Variants in ABI3BP observed in about 807,000 individuals in gnomAD.
ABI3BP encodes target of Nesh-SH3.
A neutral mutation model predicts 268.6 loss-of-function variants in ABI3BP; 216 were observed. That is an observed-to-expected ratio of 0.80 (90% CI 0.72 to 0.90). ABI3BP has a LOEUF of 0.90. Ranked by LOEUF, ABI3BP falls within the 40% of genes least tolerant of loss-of-function variation. ABI3BP has a pLI of 0.00. For missense variants in ABI3BP, 2,090 were observed against 2,182.4 expected, an observed-to-expected ratio of 0.96 and a Z score of 0.84; for synonymous variants, 730 against 730.0, an observed-to-expected ratio of 1.00 and a Z score of 0.00.
intron 6 of ABI3BP, among the ~76,000 whole-genome samples, chr3:100,883,001 G>C (rs917928630): frequency 6.6e-6 from 1 of 152,066 alleles, no homozygotes; most frequent in Non-Finnish European, 1.5e-5. Flanking sequence ...GCAGATCTAC[G>C]TTTCCTATAC....
chr3:100,883,998 A>G (rs893297539), intron 6 of ABI3BP, among the ~76,000 whole-genome samples: 1 of 152,120 alleles, frequency 6.6e-6, no homozygotes, highest in Non-Finnish European at 1.5e-5. Context: ...GATAAGAAAT[A>G]TGTTCATAAC....
At chr3:100,969,713 A>G (rs2082749816) in intron 1 of ABI3BP, among the ~76,000 whole-genome samples, 1 of 152,188 alleles carries the variant, frequency 6.6e-6, no homozygotes, top group South Asian at 2.1e-4. Flanking sequence ...AGGAAGAATG[A>G]CTTTTGCTGG....
At chr3:100,879,423 G>T (rs7630802) in intron 6 of ABI3BP, among the ~76,000 whole-genome samples, 2 of 152,074 alleles carry the variant, frequency 1.3e-5, no homozygotes, top group Non-Finnish European at 2.9e-5. Context: ...TGTACTTAGC[G>T]CACGTTTTGT....
intron 61 of ABI3BP, among the ~76,000 whole-genome samples, chr3:100,771,791 T>C (rs775444283): frequency 6.6e-6 from 1 of 152,098 alleles, no homozygotes; most frequent in Non-Finnish European, 1.5e-5. Flanking sequence ...CTCATATACA[T>C]GTAATTGGAG....
intron 1 of ABI3BP, among the ~76,000 whole-genome samples, chr3:100,970,655 G>A (rs1342161573): frequency 6.6e-6 from 1 of 152,212 alleles, no homozygotes; most frequent in Non-Finnish European, 1.5e-5. Flanking sequence ...ACGAAAGGCG[G>A]TCAAGTGGCA....
intron 7 of ABI3BP, 135 bp from the exon 8 acceptor site, chr3:100,875,714 G>A (rs1344625418): frequency 3.1e-6 from 2 of 651,416 alleles, no homozygotes; most frequent in Non-Finnish European, 5.5e-6. Context: ...CAGTGGCCTG[G>A]CTATATAGCC....
intron 1 of ABI3BP, among the ~76,000 whole-genome samples, chr3:100,968,884 C>T (rs989373837): frequency 1.3e-5 from 2 of 152,048 alleles, no homozygotes; most frequent in East Asian, 3.9e-4. Context: ...GTTCCCCTTC[C>T]TGTGTCCATA....
At position 100,847,604 on chromosome 3, in the gene ABI3BP, G is replaced by A. The variant is rs372669157; in HGVS notation, c.1646C>T (p.Pro549Leu). ...TACTAAGGACATATCATTATTACCCGGTGTTGTCCATGTAGGTTCAGGGCT... is the reference window on the plus strand; with the variant it reads ...TACTAAGGACATATCATTATTACCCAGTGTTGTCCATGTAGGTTCAGGGCT... Reference protein sequence around the residue: ...SKSPEPTWTTPAPGKTQFISL... With the variant: ...SKSPEPTWTTLAPGKTQFISL... The change falls in exon 19 of 68, where the codon CCG (proline) becomes CTG (leucine). Residue 549 changes from proline to leucine, a missense_variant and splice_region_variant. Transcript: ENST00000471714. The A allele has an allele frequency of 3.0e-5, 49 of 1,608,970 alleles. No individual in the cohort carries two copies. The highest frequency in any genetic ancestry group is 2.2e-4 in the Admixed American group (13 of 59,960).
intron 1 of ABI3BP, among the ~76,000 whole-genome samples, chr3:100,932,793 T>TG (rs1221465496): frequency 1.3e-5 from 2 of 152,124 alleles, no homozygotes; most frequent in Non-Finnish European, 2.9e-5. Context: ...GTTTGGAGAT[T>TG]TTTCAAAGAA....
chr3:100,766,418 C>A (rs1272153770), intron 62 of ABI3BP, among the ~76,000 whole-genome samples: 3 of 152,160 alleles, frequency 2.0e-5, no homozygotes, highest in African/African-American at 7.2e-5. Flanking sequence ...CTGCAGAAAA[C>A]TTCTTTCAGT....
intron 57 of ABI3BP, among the ~76,000 whole-genome samples, chr3:100,784,058 T>G (rs1421820850): frequency 1.3e-5 from 2 of 151,834 alleles, no homozygotes; most frequent in African/African-American, 2.4e-5. Context: ...TACAGCAATG[T>G]CTATCTACAC....
intron 1 of ABI3BP, among the ~76,000 whole-genome samples, chr3:100,962,856 C>T (rs1246194877): frequency 2.6e-5 from 4 of 152,144 alleles, no homozygotes; most frequent in Admixed American, 6.5e-5. Context: ...ACACTGACAG[C>T]TCCTGAATTT....
At chr3:100,940,809 T>TAA (rs2068733953) in intron 1 of ABI3BP, among the ~76,000 whole-genome samples, 1 of 66,336 alleles carries the variant, frequency 1.5e-5, no homozygotes, top group Non-Finnish European at 3.0e-5. Context: ...TATATATATA[T>TAA]ATATATATAT....
intron 58 of ABI3BP, among the ~76,000 whole-genome samples, chr3:100,779,083 T>G (rs901551913): frequency 2.6e-5 from 4 of 152,374 alleles, no homozygotes; most frequent in Admixed American, 2.6e-4. Flanking sequence ...TTTAAATTGT[T>G]AAAGCATAAA....
chr3:100,815,991 T>A lies in ABI3BP; in HGVS notation c.3230-20A>T. Reference sequence around the variant, plus strand: ...CAGAAACTAACCAAAAGCAACAACATGAATACAAGAAAGCTTAAAGACTTT... The same window carrying A: ...CAGAAACTAACCAAAAGCAACAACAAGAATACAAGAAAGCTTAAAGACTTT... On this transcript the variant is annotated intron_variant, in intron 43 of 67. Transcript: ENST00000471714. 2 of 1,489,958 alleles carry A rather than the reference T, an allele frequency of 1.3e-6. No homozygotes were observed. Among genetic ancestry groups the A allele is most frequent in the Non-Finnish European group, 1.8e-6 (2 of 1,124,242 alleles). 92.3% of individuals were successfully genotyped at this position (1,489,958 alleles called of 1,614,324 possible). A position where few individuals can be genotyped will look rare whatever the true frequency, so the allele number is the denominator to read the frequency against.
intron 2 of ABI3BP, chr3:100,911,881 G>T: frequency 2.5e-6 from 4 of 1,583,072 alleles, no homozygotes; most frequent in Non-Finnish European, 3.5e-6. Context: ...TCTGAATGAC[G>T]ACAGAATTTG....
At chr3:100,848,101 A>G (rs2098794527) in intron 18 of ABI3BP, among the ~76,000 whole-genome samples, 1 of 152,204 alleles carries the variant, frequency 6.6e-6, no homozygotes, top group South Asian at 2.1e-4. Context: ...AGTTATGTAA[A>G]TGTACGTTGT....
intron 10 of ABI3BP, 79 bp from the exon 11 acceptor site, chr3:100,864,986 T>C (rs2099035925): frequency 9.2e-7 from 1 of 1,090,100 alleles, no homozygotes. Context: ...CCTGTTGCCT[T>C]TTAGAATTAG....
intron 8 of ABI3BP, 140 bp from the exon 9 acceptor site, chr3:100,875,073 ATTGG>A: frequency 1.9e-6 from 1 of 530,236 alleles, no homozygotes; most frequent in Non-Finnish European, 3.3e-6. Flanking sequence ...ACTTTAAAAC[ATTGG>A]AAAAAATATA....
Sources: gnomAD v4.1 joint callset for allele counts (sites outside exome capture counted in the v4.1 genomes callset) on GRCh38, gnomAD v4.1.1 for gene constraint, MANE v1.5 for transcripts, NCBI Gene and HGNC (gene_info 2026-07-23, HGNC 2026-07-21) for gene names.